The following CNTN3 variants were observed in gnomAD, a reference collection of about 807,000 sequenced individuals.
CNTN3 encodes the protein contactin 3, also known as contactin-3.
CNTN3 carries 60 observed loss-of-function variants against 119.1 expected under a neutral mutation model. That is an observed-to-expected ratio of 0.50 (90% CI 0.41 to 0.62). CNTN3 has a LOEUF of 0.62. Among genes scored for constraint, CNTN3 ranks in the 20% least tolerant of loss-of-function variants. The pLI, the probability that CNTN3 is intolerant of heterozygous loss-of-function variation, is 0.00. For missense variants in CNTN3, 1,101 were observed against 1,242.4 expected (o/e 0.89, Z 1.71); for synonymous variants, 450 against 438.7 (o/e 1.03, Z -0.32).
In CNTN3 at chr3:74,330,157, A is replaced by T. The variant is rs563510958; in HGVS notation, c.1668+4578T>A. On this transcript the variant is annotated intron_variant, in intron 13 of 22. Coordinates refer to ENST00000263665, the MANE Select transcript of CNTN3 (RefSeq NM_020872.3). ...GATCACCTGAGGTCAGGAGTTCAAG[A>T]CCAGCCTGGCCAGCATGGTGAAACC... Among the ~76,000 whole-genome samples, 3 of 152,238 alleles carry T rather than the reference A, an allele frequency of 2.0e-5. No homozygotes were observed. In the South Asian group the frequency reaches 6.2e-4, roughly 32 times the overall value.
intron 1 of CNTN3, among the ~76,000 whole-genome samples, chr3:74,572,144 G>T (rs1342620093): frequency 6.6e-6 from 1 of 152,074 alleles, no homozygotes; most frequent in Non-Finnish European, 1.5e-5. Context: ...AACACTGGTG[G>T]GAAGTAAGCC....
In CNTN3 at chr3:74,474,710, C is replaced by T. The variant is rs559083655; in HGVS notation, c.358+11746G>A. On this transcript the variant is annotated intron_variant, in intron 4 of 22. Transcript: ENST00000263665. ...TGATTCAGTTTGGATGTGTGTCCTT[C>T]CCCAAATCTCATATTGAAATGCAAC... Among the ~76,000 whole-genome samples, 8 of 152,228 alleles carry T rather than the reference C, an allele frequency of 5.3e-5. No homozygotes were observed. The South Asian group carries it at 1.7e-3, about 32-fold the overall frequency.
chr3:74,505,856 A>G (rs1474784027), intron 2 of CNTN3, among the ~76,000 whole-genome samples: 5 of 152,300 alleles, frequency 3.3e-5, no homozygotes, highest in Non-Finnish European at 7.3e-5. Context: ...GTATGATAGC[A>G]AAATAACACC....
intron 1 of CNTN3, among the ~76,000 whole-genome samples, chr3:74,549,861 G>C (rs1703964868): frequency 6.6e-6 from 1 of 152,194 alleles, no homozygotes; most frequent in Non-Finnish European, 1.5e-5. Flanking sequence ...GTTCCAATGA[G>C]AGAATCACAG....
intron 20 of CNTN3, among the ~76,000 whole-genome samples, chr3:74,280,058 A>C (rs1208856472): frequency 6.6e-6 from 1 of 152,154 alleles, no homozygotes. Context: ...GAGGGGATGG[A>C]TACTTCATTC....
intron 1 of CNTN3, among the ~76,000 whole-genome samples, chr3:74,534,143 C>A (rs1316607807): frequency 7.9e-5 from 12 of 152,034 alleles, no homozygotes; most frequent in Admixed American, 3.3e-4. Context: ...TCTCATACAA[C>A]CAGGAGTCTT....
chr3:74,326,443 C>A (rs567799778), intron 13 of CNTN3, among the ~76,000 whole-genome samples: 2 of 152,142 alleles, frequency 1.3e-5, no homozygotes, highest in South Asian at 4.2e-4. Flanking sequence ...GCATCTGTCA[C>A]CTCAAAGCAT....
chr3:74,487,421 A>G (rs902594149), intron 3 of CNTN3, among the ~76,000 whole-genome samples: 3 of 152,192 alleles, frequency 2.0e-5, no homozygotes, highest in Non-Finnish European at 4.4e-5. Flanking sequence ...CAGCTCCTAG[A>G]TGACCCAATT....
chr3:74,568,909 T>C (rs1704267607), intron 1 of CNTN3, among the ~76,000 whole-genome samples: 2 of 152,318 alleles, frequency 1.3e-5, no homozygotes, highest in Middle Eastern at 3.4e-3. Flanking sequence ...GTGAAACAAA[T>C]GTGCTTTTCT....
chr3:74,495,275 A>C (rs919137235), intron 3 of CNTN3, among the ~76,000 whole-genome samples: 8 of 152,096 alleles, frequency 5.3e-5, no homozygotes, highest in African/African-American at 1.9e-4. Flanking sequence ...TTGACACATA[A>C]AAGTAAAATA....
intron 1 of CNTN3, among the ~76,000 whole-genome samples, chr3:74,584,376 A>G (rs892635933): frequency 2.0e-5 from 3 of 152,086 alleles, no homozygotes; most frequent in African/African-American, 4.8e-5. Context: ...TTTATCCCCA[A>G]TGTAGGAGGT....
At chr3:74,345,105 T>C (rs4462905) in intron 11 of CNTN3, among the ~76,000 whole-genome samples, 9,027 of 152,224 alleles carry the variant, frequency 0.059, 871 homozygotes, top group African/African-American at 0.2. Flanking sequence ...TGATGATGGG[T>C]TCCTTACAAA....
At chr3:74,437,029 G>T (rs1449389593) in intron 4 of CNTN3, among the ~76,000 whole-genome samples, 1 of 152,136 alleles carries the variant, frequency 6.6e-6, no homozygotes, top group East Asian at 1.9e-4. Flanking sequence ...TTTTAAAAAT[G>T]ATTACCTGTT....
intron 4 of CNTN3, among the ~76,000 whole-genome samples, chr3:74,480,294 T>C (rs1353884343): frequency 1.3e-5 from 2 of 152,136 alleles, no homozygotes; most frequent in Non-Finnish European, 2.9e-5. Flanking sequence ...GGGGACTCTA[T>C]CCAGTTGTGG....
rs554976641 is a variant in CNTN3, at chr3:74,391,557, C to CTTTTTTTTTTTTTTTTTTT, written c.455-20177_455-20159dup. ...TTAGTATTTTGTACTCCCATAGTTT[C>CTTTTTTTTTTTTTTTTTTT]TTTTTTTTTTTTTTTTTTTTTTTTG... is the stretch of plus-strand genomic sequence containing the variant. On this transcript the variant is annotated intron_variant, in intron 5 of 22. Transcript: ENST00000263665. Among the ~76,000 whole-genome samples, 6 of 87,028 alleles carry CTTTTTTTTTTTTTTTTTTT rather than the reference C, an allele frequency of 6.9e-5. 2 individuals are homozygous for CTTTTTTTTTTTTTTTTTTT. Among genetic ancestry groups the CTTTTTTTTTTTTTTTTTTT allele is most frequent in the African/African-American group, 2.8e-4 (6 of 21,412 alleles). 57.1% of individuals were successfully genotyped at this position (87,028 alleles called of 152,430 possible). A position where few individuals can be genotyped will look rare whatever the true frequency, so the allele number is the denominator to read the frequency against.
Position 74,301,757 on chromosome 3 carries a change from G to A in CNTN3, c.1835C>T (p.Thr612Ile). 2 of 1,614,094 alleles carry A rather than the reference G, an allele frequency of 1.2e-6. No individual in the cohort carries two copies. Among genetic ancestry groups the A allele is most frequent in the Admixed American group, 1.7e-5 (1 of 60,020 alleles). ...TTCTTTCCAAGAGAGTTGGGCTGTT[G>A]TGTCTGTAATTTCATCTACCTTCAC... ...ENVKVDEITD[T>I]TAQLSWKEGK... Residue 612 changes from threonine to isoleucine, a missense_variant, in exon 15 of 23, where the codon ACA becomes ATA. Transcript: ENST00000263665.
At chr3:74,291,483 T>G (rs1702228965) in intron 19 of CNTN3, among the ~76,000 whole-genome samples, 1 of 152,164 alleles carries the variant, frequency 6.6e-6, no homozygotes, top group African/African-American at 2.4e-5. Flanking sequence ...CACACTGTCT[T>G]CCACAATGGT....
intron 19 of CNTN3, among the ~76,000 whole-genome samples, 171 bp downstream of exon 19, chr3:74,294,950 T>G (rs1702308657): frequency 1.3e-5 from 2 of 152,260 alleles, no homozygotes; most frequent in African/African-American, 2.4e-5. Context: ...TTATTTTCAT[T>G]CAACTGGTTA....
At chr3:74,440,988 C>T (rs1701954219) in intron 4 of CNTN3, among the ~76,000 whole-genome samples, 1 of 152,092 alleles carries the variant, frequency 6.6e-6, no homozygotes, top group African/African-American at 2.4e-5. Context: ...AACAATCCCC[C>T]ATGGACACCT....
Sources: allele counts gnomAD v4.1 joint callset (sites outside exome capture counted in the v4.1 genomes callset), GRCh38; gene constraint gnomAD v4.1.1; transcripts MANE v1.5; gene names NCBI Gene and HGNC (gene_info 2026-07-23, HGNC 2026-07-21).